TTC28: variants seen among roughly 807,000 people sequenced by gnomAD.
TTC28 encodes the protein tetratricopeptide repeat domain 28.
In TTC28, 61 loss-of-function variants were observed where a neutral mutation model predicts 198.0. That is an observed-to-expected ratio of 0.31 (90% CI 0.25 to 0.38). The LOEUF is 0.38. TTC28 is among the 10% of genes least tolerant of loss of function. TTC28 has a pLI of 1.00. For synonymous variants in TTC28, 1,171 were observed against 1,297.8 expected (o/e 0.90, Z 2.10); for missense variants, 2,678 against 3,164.0 (o/e 0.85, Z 3.69).
At chr22:28,309,257 C>T (rs2045206701) in intron 2 of TTC28, among the ~76,000 whole-genome samples, 1 of 152,058 alleles carries the variant, frequency 6.6e-6, no homozygotes, top group Non-Finnish European at 1.5e-5. Flanking sequence ...AATATTTTAG[C>T]ATTCAATATA....
intron 5 of TTC28, among the ~76,000 whole-genome samples, chr22:28,179,168 T>G (rs970893484): frequency 2.0e-5 from 3 of 151,334 alleles, no homozygotes; most frequent in Non-Finnish European, 3.0e-5. Context: ...TTGTTTTGTT[T>G]TTTTTTTTTT....
intron 2 of TTC28, among the ~76,000 whole-genome samples, chr22:28,553,513 C>T (rs1475538591): frequency 6.0e-5 from 9 of 149,334 alleles, no homozygotes; most frequent in African/African-American, 2.0e-4. Flanking sequence ...CTCTGCCCGG[C>T]CGCCCCGTCT....
chr22:27,989,106 C>T (rs1360044548), intron 21 of TTC28, among the ~76,000 whole-genome samples: 5 of 152,224 alleles, frequency 3.3e-5, no homozygotes, highest in African/African-American at 9.6e-5. Flanking sequence ...GGCTCACAGC[C>T]TCTTGTGTTC....
Position 28,640,545 on chromosome 22 carries a change from G to A in TTC28, c.103-10715C>T, listed in dbSNP as rs947382049. On this transcript the variant is annotated intron_variant, in intron 1 of 22. Transcript: ENST00000397906. Reference sequence around the variant, plus strand: ...ATACCACAAAGAAAATCACACCTACGTCTGTCATAGTCAAACTGTTAAAAT... The same window carrying A: ...ATACCACAAAGAAAATCACACCTACATCTGTCATAGTCAAACTGTTAAAAT... Among the ~76,000 whole-genome samples, 4 of 146,530 alleles carry A rather than the reference G, an allele frequency of 2.7e-5. No individual in the cohort carries two copies. In the South Asian group the frequency reaches 9.1e-4, roughly 33 times the overall value.
chr22:28,591,769 T>C (rs1422779518), intron 2 of TTC28, among the ~76,000 whole-genome samples: 1 of 152,070 alleles, frequency 6.6e-6, no homozygotes, highest in Non-Finnish European at 1.5e-5. Context: ...ACAATATGAC[T>C]CAAAGATTTT....
intron 2 of TTC28, among the ~76,000 whole-genome samples, chr22:28,360,029 A>T (rs747790453): frequency 6.6e-6 from 1 of 152,176 alleles, no homozygotes; most frequent in Non-Finnish European, 1.5e-5. Context: ...TTTATCCAAG[A>T]TGACATAGAG....
intron 2 of TTC28, among the ~76,000 whole-genome samples, chr22:28,511,982 A>C (rs1306852319): frequency 6.6e-6 from 1 of 152,162 alleles, no homozygotes; most frequent in Non-Finnish European, 1.5e-5. Context: ...TCTTCACAGC[A>C]AAAGAATCTA....
chr22:28,343,787 G>C (rs2045868245), intron 2 of TTC28, among the ~76,000 whole-genome samples: 1 of 152,102 alleles, frequency 6.6e-6, no homozygotes, highest in South Asian at 2.1e-4. Context: ...CAGCTTTCAA[G>C]GGCTGGTATA....
At chr22:28,549,643 C>A (rs1394520333) in intron 2 of TTC28, among the ~76,000 whole-genome samples, 1 of 152,102 alleles carries the variant, frequency 6.6e-6, no homozygotes, top group African/African-American at 2.4e-5. Flanking sequence ...CAACTGTTTG[C>A]CAATTAATTG....
At chr22:28,165,875 C>A (rs1396938484) in intron 5 of TTC28, among the ~76,000 whole-genome samples, 1 of 152,162 alleles carries the variant, frequency 6.6e-6, no homozygotes, top group East Asian at 1.9e-4. Flanking sequence ...TTAAAAGACA[C>A]AGACTGGCAA....
intron 6 of TTC28, among the ~76,000 whole-genome samples, chr22:28,160,460 T>C (rs934080896): frequency 2.0e-5 from 3 of 152,020 alleles, no homozygotes; most frequent in East Asian, 3.9e-4. Context: ...ATTTAACAAG[T>C]GGCAATACAA....
At chr22:28,432,436 A>C (rs558070453) in intron 2 of TTC28, among the ~76,000 whole-genome samples, 2 of 152,308 alleles carry the variant, frequency 1.3e-5, no homozygotes, top group East Asian at 3.9e-4. Flanking sequence ...GACAATGCAA[A>C]GATATATTAT....
chr22:28,092,539 T>G (rs1810043200), intron 12 of TTC28, among the ~76,000 whole-genome samples: 1 of 152,214 alleles, frequency 6.6e-6, no homozygotes, highest in Non-Finnish European at 1.5e-5. Context: ...AAGTCTGCCC[T>G]GCTGGCTCTC....
At chr22:28,331,069 G>C (rs1032084346) in intron 2 of TTC28, among the ~76,000 whole-genome samples, 5 of 152,160 alleles carry the variant, frequency 3.3e-5, no homozygotes, top group Admixed American at 6.6e-5. Flanking sequence ...TTACAGAAAG[G>C]AGAAGAAATG....
intron 2 of TTC28, among the ~76,000 whole-genome samples, chr22:28,569,370 T>C (rs1048793217): frequency 6.6e-6 from 1 of 151,864 alleles, no homozygotes; most frequent in African/African-American, 2.4e-5. Context: ...ACATATACAA[T>C]GGAGCAGGTT....
intron 5 of TTC28, among the ~76,000 whole-genome samples, chr22:28,282,752 C>G (rs1000004215): frequency 6.6e-6 from 1 of 151,978 alleles, no homozygotes; most frequent in Non-Finnish European, 1.5e-5. Flanking sequence ...TTCTACTCTA[C>G]ATATGAAGAG....
chr22:28,263,547 A>G (rs927463307), intron 5 of TTC28, among the ~76,000 whole-genome samples: 3 of 152,114 alleles, frequency 2.0e-5, no homozygotes, highest in Admixed American at 2.0e-4. Flanking sequence ...TTTTCTTTTC[A>G]TTTCATATAA....
chr22:28,196,696 C>G (rs1925380122), intron 5 of TTC28, among the ~76,000 whole-genome samples: 1 of 152,182 alleles, frequency 6.6e-6, no homozygotes, highest in Non-Finnish European at 1.5e-5. Flanking sequence ...AAATGCTCAT[C>G]ATCATTGGCC....
chr22:28,349,184 C>CATGT (rs1491191454), intron 2 of TTC28, among the ~76,000 whole-genome samples: 4 of 151,606 alleles, frequency 2.6e-5, no homozygotes, highest in Admixed American at 2.6e-4. Context: ...TGTGCACGCA[C>CATGT]ACACACACAC....
Sources: gnomAD v4.1 joint callset for allele counts (sites outside exome capture counted in the v4.1 genomes callset) on GRCh38, gnomAD v4.1.1 for gene constraint, MANE v1.5 for transcripts, NCBI Gene and HGNC (gene_info 2026-07-23, HGNC 2026-07-21) for gene names.